The following TMEM132C variants were observed in gnomAD, a reference collection of about 807,000 sequenced individuals.
TMEM132C encodes the protein transmembrane protein 132C.
In TMEM132C, 29 loss-of-function variants were observed where a neutral mutation model predicts 61.4. The ratio of observed to expected loss-of-function variants is 0.47; its 90% CI spans 0.35 to 0.64. TMEM132C has a LOEUF of 0.64. TMEM132C is among the 30% of genes least tolerant of loss of function. The pLI, the probability that TMEM132C is intolerant of heterozygous loss-of-function variation, is 0.00. For missense variants in TMEM132C, 1,408 were observed against 1,476.9 expected (o/e 0.95, Z 0.76); for synonymous variants, 656 against 633.1 (o/e 1.04, Z -0.54).
At chr12:128,422,780 C>T (rs76944842) in intron 2 of TMEM132C, among the ~76,000 whole-genome samples, 7,502 of 152,206 alleles carry the variant, frequency 0.049, 635 homozygotes, top group African/African-American at 0.17. Context: ...GGACTCTACT[C>T]AGTAGAAAAA....
chr12:128,486,634 C>A (rs1425971625), intron 2 of TMEM132C, among the ~76,000 whole-genome samples: 3 of 152,056 alleles, frequency 2.0e-5, no homozygotes, highest in Non-Finnish European at 4.4e-5. Context: ...TTTTCACTTG[C>A]CTTTTTATAT....
At chr12:128,282,715 A>T (rs546981214) in intron 1 of TMEM132C, among the ~76,000 whole-genome samples, 3 of 152,196 alleles carry the variant, frequency 2.0e-5, no homozygotes, top group South Asian at 2.1e-4. Flanking sequence ...GTTAGTTGTC[A>T]TGGGTTTTTA....
At chr12:128,378,351 C>T (rs1397000320) in intron 1 of TMEM132C, among the ~76,000 whole-genome samples, 1 of 152,242 alleles carries the variant, frequency 6.6e-6, no homozygotes, top group Non-Finnish European at 1.5e-5. Flanking sequence ...CTCCTGACTT[C>T]ATGATCCGCC....
chr12:128,573,157 G>A (rs1874954914), intron 3 of TMEM132C, among the ~76,000 whole-genome samples: 1 of 152,176 alleles, frequency 6.6e-6, no homozygotes, highest in African/African-American at 2.4e-5. Flanking sequence ...GCACATATAT[G>A]TTTATTGTGG....
chr12:128,457,870 T>C (rs10847622), intron 2 of TMEM132C, among the ~76,000 whole-genome samples: 23,629 of 152,136 alleles, frequency 0.16, 2,769 homozygotes, highest in African/African-American at 0.31. Flanking sequence ...CCCTGGATCA[T>C]GCAGTTAGTA....
chr12:128,705,384 T>C lies in TMEM132C; in HGVS notation c.2416T>C (p.Ser806Pro), dbSNP rs1453118746. The C allele has an allele frequency of 6.4e-7, 1 of 1,551,288 alleles. No individual in the cohort carries two copies. Among genetic ancestry groups the C allele is most frequent in the Non-Finnish European group, 8.7e-7 (1 of 1,146,980 alleles). Residue 806 changes from serine to proline, a missense_variant, in exon 9 of 9, where the codon TCC becomes CCC. Coordinates refer to ENST00000435159, the MANE Select transcript of TMEM132C (RefSeq NM_001136103.3). ...RVKFGQNDAD[S>P]SPGGDYEEDE... is the part of the protein sequence containing the mutation. ...CAAGTTCGGACAGAACGATGCTGAC[T>C]CCAGCCCCGGCGGGGACTATGAGGA...
intron 4 of TMEM132C, among the ~76,000 whole-genome samples, chr12:128,636,542 G>T (rs1593128428): frequency 6.8e-6 from 1 of 147,324 alleles, no homozygotes; most frequent in South Asian, 2.2e-4. Context: ...GTTTTGTTCT[G>T]TTTTGTTTTT....
intron 1 of TMEM132C, among the ~76,000 whole-genome samples, chr12:128,361,466 C>A (rs1418605388): frequency 6.6e-6 from 1 of 152,066 alleles, no homozygotes; most frequent in Non-Finnish European, 1.5e-5. Flanking sequence ...ATCACATTAG[C>A]CTCAGCAAGA....
At chr12:128,681,817 ATT>A (rs35154554) in intron 5 of TMEM132C, among the ~76,000 whole-genome samples, 1,476 of 86,432 alleles carry the variant, frequency 0.017, 7 homozygotes, top group South Asian at 0.028. Flanking sequence ...CCACGCCTGG[ATT>A]TTTTTTTTTT....
At chr12:128,412,911 T>C (rs1713585) in intron 1 of TMEM132C, among the ~76,000 whole-genome samples, 136,806 of 152,196 alleles carry the variant, frequency 0.9, 62,053 homozygotes, top group East Asian at 1. Context: ...CTTATTGCAG[T>C]TCATGATACT....
chr12:128,366,466 G>A lies in TMEM132C; in HGVS notation c.86-48266G>A, dbSNP rs150299301. 7.5e-3 allele frequency among the ~76,000 whole-genome samples: 1,135 copies of A among 152,258 alleles called. 18 individuals carry two copies. Among genetic ancestry groups the A allele is most frequent in the African/African-American group, 0.024 (981 of 41,540 alleles). On this transcript the variant is annotated intron_variant, in intron 1 of 8. Transcript: ENST00000435159. ...ACCTTCTGGCTCCTCAGCTGGACGC[G>A]GCTTCTTATAGCCCCGGATCACAGA...
At chr12:128,694,745 C>T (rs1038793128) in intron 6 of TMEM132C, among the ~76,000 whole-genome samples, 11 of 152,290 alleles carry the variant, frequency 7.2e-5, no homozygotes, top group African/African-American at 2.4e-4. Context: ...TCCATCTCTA[C>T]AAGGGGAAGC....
intron 1 of TMEM132C, among the ~76,000 whole-genome samples, chr12:128,365,705 A>G (rs1043269277): frequency 2.0e-5 from 3 of 152,160 alleles, no homozygotes; most frequent in African/African-American, 7.2e-5. Context: ...ATAAAATGCA[A>G]ATCTCCGAGG....
At chr12:128,317,061 A>G (rs917269711) in intron 1 of TMEM132C, among the ~76,000 whole-genome samples, 1 of 152,132 alleles carries the variant, frequency 6.6e-6, no homozygotes, top group African/African-American at 2.4e-5. Context: ...CAGTAACCAA[A>G]TCTGTTTCAG....
chr12:128,610,909 C>G (rs1023214584), intron 3 of TMEM132C, among the ~76,000 whole-genome samples: 3 of 152,156 alleles, frequency 2.0e-5, no homozygotes, highest in African/African-American at 7.2e-5. Flanking sequence ...GTGGTTCGTT[C>G]TCAGGAAGCT....
At chr12:128,419,505 T>C (rs1868908417) in intron 2 of TMEM132C, among the ~76,000 whole-genome samples, 1 of 151,978 alleles carries the variant, frequency 6.6e-6, no homozygotes, top group Non-Finnish European at 1.5e-5. Flanking sequence ...TCAGTTCTTC[T>C]AATGCTACAG....
chr12:128,570,209 C>A lies in TMEM132C; in HGVS notation c.1121+26106C>A, dbSNP rs1465178059. Among the ~76,000 whole-genome samples, 1 of 151,916 alleles carries A rather than the reference C, an allele frequency of 6.6e-6. No homozygotes were observed. Among genetic ancestry groups the A allele is most frequent in the African/African-American group, 2.4e-5 (1 of 41,324 alleles). On this transcript the variant is annotated intron_variant, in intron 3 of 8. Transcript: ENST00000435159. This position sits in a 1 kb window ranked among gnomAD's most constrained non-coding sequence, Gnocchi z 4.7. ...GCTGAAAAATATCTACACCTCCCCA[C>A]CCCCGCACCCCCCACACACTCACAC... is the stretch of plus-strand genomic sequence containing the variant.
intron 4 of TMEM132C, among the ~76,000 whole-genome samples, chr12:128,617,525 T>C (rs1876849494): frequency 6.6e-6 from 1 of 152,036 alleles, no homozygotes; most frequent in Non-Finnish European, 1.5e-5. Flanking sequence ...AGGTGTGGAA[T>C]CAGGTGAAGG....
At chr12:128,331,269 A>G (rs1339207805) in intron 1 of TMEM132C, among the ~76,000 whole-genome samples, 1 of 152,208 alleles carries the variant, frequency 6.6e-6, no homozygotes, top group African/African-American at 2.4e-5. Flanking sequence ...TAATATATGC[A>G]CATCAATAAG....
Sources: gnomAD v4.1 joint callset for allele counts (sites outside exome capture counted in the v4.1 genomes callset) on GRCh38, gnomAD v4.1.1 for gene constraint, Gnocchi (gnomAD v3.1) non-coding constraint, MANE v1.5 for transcripts, NCBI Gene and HGNC (gene_info 2026-07-23, HGNC 2026-07-21) for gene names.